Variants in APOO observed in about 807,000 individuals in gnomAD.
APOO encodes the protein apolipoprotein O.
In APOO, 11 loss-of-function variants were observed where a neutral mutation model predicts 23.1. The ratio of observed to expected loss-of-function variants is 0.48; its 90% CI spans 0.30 to 0.79. The LOEUF (loss-of-function observed/expected upper bound fraction) is 0.79. APOO is among the 30% of genes least tolerant of loss of function. The pLI is 0.07. For synonymous variants in APOO, 59 were observed against 54.8 expected (o/e 1.08, Z -0.34); for missense variants, 160 against 142.7 (o/e 1.12, Z -0.62).
chrX:23,838,357 C>CAAAAAAAAAAAAAAAAAAAAAAAAAA (rs764414297), intron 8 of APOO, among the ~76,000 whole-genome samples: 1 of 20,067 alleles, frequency 5.0e-5, no homozygotes, highest in Admixed American at 7.0e-4. Flanking sequence ...AACTCTATCT[C>CAAAAAAAAAAAAAAAAAAAAAAAAAA]AAAAAAAAAA....
At chrX:23,859,687 C>T (rs1340782982) in intron 5 of APOO, among the ~76,000 whole-genome samples, 1 of 111,402 alleles carries the variant, frequency 9.0e-6, no homozygotes, top group Non-Finnish European at 1.9e-5. Flanking sequence ...AGGTGATCCA[C>T]CCGCCACGGC....
At chrX:23,845,937 T>C (rs1924206470) in intron 7 of APOO, among the ~76,000 whole-genome samples, 1 of 111,875 alleles carries the variant, frequency 8.9e-6, no homozygotes, top group South Asian at 3.6e-4. Flanking sequence ...AGTAATTTGT[T>C]GCATTAAAAA....
chrX:23,835,484 C>A (rs965023446), intron 8 of APOO, among the ~76,000 whole-genome samples: 2 of 111,837 alleles, frequency 1.8e-5, no homozygotes, highest in Non-Finnish European at 3.8e-5. Context: ...GTTTATTAAT[C>A]TGCTTTTGTC....
intron 1 of APOO, among the ~76,000 whole-genome samples, chrX:23,899,684 A>G (rs1927047216): frequency 8.9e-6 from 1 of 112,261 alleles, no homozygotes; most frequent in Admixed American, 9.5e-5. Flanking sequence ...ATTAAAAATA[A>G]GTCTAAACTT....
intron 3 of APOO, among the ~76,000 whole-genome samples, chrX:23,875,812 C>T (rs773128745): frequency 9.0e-6 from 1 of 111,076 alleles, no homozygotes; most frequent in South Asian, 3.7e-4. Context: ...GCCGAATTAG[C>T]CAGAAGATCT....
chrX:23,880,905 GA>G lies in APOO; in HGVS notation c.56del (p.Phe19SerfsTer17). ...CCTTTTTTGGTGCTGCATAGACTTT[GA>G]AGGTGAGCAAGCTCAGGCTGGCTGG... Reference protein sequence around the residue: ...VGPASLSLLTFKVYAAPKKDS... With the variant: ...VGPASLSLLTXKVYAAPKKDS... On this transcript the variant is annotated frameshift_variant, in exon 2 of 9. Transcript: ENST00000379226. LOFTEE classifies it high-confidence loss of function. 8.4e-7 allele frequency: 1 copy of G among 1,190,242 alleles called. No individual in the cohort carries two copies. The highest frequency in any genetic ancestry group is 1.1e-6 in the Non-Finnish European group (1 of 886,633).
At chrX:23,889,737 A>G (rs749415177) in intron 1 of APOO, among the ~76,000 whole-genome samples, 49 of 97,826 alleles carry the variant, frequency 5.0e-4, no homozygotes, top group African/African-American at 1.7e-3. Context: ...ATCTTGGCTC[A>G]CTGCAAGCTC....
chrX:23,884,099 T>C (rs1414896963), intron 1 of APOO: 8 of 111,619 alleles, frequency 7.2e-5, no homozygotes, highest in Non-Finnish European at 1.5e-4. Flanking sequence ...GTCAGAGAAG[T>C]TGGTTGTAGC....
intron 5 of APOO, among the ~76,000 whole-genome samples, chrX:23,865,510 A>AG (rs1191126220): frequency 1.8e-5 from 2 of 109,846 alleles, no homozygotes; most frequent in Non-Finnish European, 3.8e-5. Flanking sequence ...AGGCTGAGGC[A>AG]GGAGAATCAC....
At chrX:23,892,249 C>T (rs1300555825) in intron 1 of APOO, among the ~76,000 whole-genome samples, 1 of 103,442 alleles carries the variant, frequency 9.7e-6, no homozygotes, top group Non-Finnish European at 2.0e-5. Context: ...CCACACCCAG[C>T]TAATTATTTT....
chrX:23,885,391 A>T (rs4828909), intron 1 of APOO, among the ~76,000 whole-genome samples: 51,922 of 103,813 alleles, frequency 0.5, 12,367 homozygotes, highest in Non-Finnish European at 0.71. Flanking sequence ...TATATATATT[A>T]TATATATATA....
At chrX:23,857,181 C>G (rs1465239741) in intron 6 of APOO, among the ~76,000 whole-genome samples, 1 of 107,736 alleles carries the variant, frequency 9.3e-6, no homozygotes, top group Non-Finnish European at 1.9e-5. Flanking sequence ...ACACCAAACC[C>G]TCATGACACA....
chrX:23,902,976 A>C (rs1385807702), intron 1 of APOO, among the ~76,000 whole-genome samples: 2 of 111,999 alleles, frequency 1.8e-5, no homozygotes, highest in Non-Finnish European at 3.8e-5. Flanking sequence ...CATGTTCATA[A>C]GACCATCCAT....
chrX:23,905,435 GCTCA>G (rs1927312505), intron 1 of APOO, among the ~76,000 whole-genome samples: 1 of 110,011 alleles, frequency 9.1e-6, no homozygotes, highest in Non-Finnish European at 1.9e-5. Context: ...AATAATCTCA[GCTCA>G]CTATGTCTTT....
rs759360979 is a variant in APOO, at chrX:23,842,695, ATCGGGTCT to A, written c.562-2326_562-2319del. Among the ~76,000 whole-genome samples, 53 of 111,285 alleles carry A rather than the reference ATCGGGTCT, an allele frequency of 4.8e-4. No homozygotes were observed. In the East Asian group the frequency reaches 0.011, roughly 24 times the overall value. ...GCCAGTGAGATAATCATGTCCAACA[ATCGGGTCT>A]GGCATAAAAACAAGGTGGTTCTCGG... On this transcript the variant is annotated intron_variant, in intron 7 of 8. Transcript: ENST00000379226.
intron 5 of APOO, among the ~76,000 whole-genome samples, chrX:23,865,542 G>A (rs768361540): frequency 9.2e-6 from 1 of 109,216 alleles, no homozygotes; most frequent in South Asian, 4.0e-4. Context: ...AGGCAGGGTT[G>A]CAGTGAGGCT....
intron 1 of APOO, among the ~76,000 whole-genome samples, chrX:23,887,613 T>G (rs1210112026): frequency 9.0e-6 from 1 of 111,347 alleles, no homozygotes; most frequent in African/African-American, 3.3e-5. Context: ...TCCCAAGTGA[T>G]AGTCCTTGAG....
chrX:23,876,280 A>T (rs1259405687), intron 3 of APOO, among the ~76,000 whole-genome samples: 4 of 107,920 alleles, frequency 3.7e-5, no homozygotes, highest in Admixed American at 1.0e-4. Flanking sequence ...TAAAAAAAAT[A>T]AAAATAAAAA....
At chrX:23,876,730 C>T (rs1925873911) in intron 3 of APOO, among the ~76,000 whole-genome samples, 2 of 111,280 alleles carry the variant, frequency 1.8e-5, no homozygotes, top group Admixed American at 9.6e-5. Context: ...ACCCGGGAGG[C>T]GGAGGTTGCA....
Sources: gnomAD v4.1 joint callset for allele counts (sites outside exome capture counted in the v4.1 genomes callset) on GRCh38, gnomAD v4.1.1 for gene constraint, MANE v1.5 for transcripts, NCBI Gene and HGNC (gene_info 2026-07-23, HGNC 2026-07-21) for gene names.